GOT1: variants seen among roughly 807,000 people sequenced by gnomAD.
GOT1 encodes the protein aspartate aminotransferase, cytoplasmic.
Under a neutral mutation model 48.2 loss-of-function variants are expected in GOT1, and 25 were observed. That is an observed-to-expected ratio of 0.52 (90% confidence interval 0.38 to 0.72). The LOEUF is 0.72. Among genes scored for constraint, GOT1 ranks in the 30% least tolerant of loss-of-function variants. The pLI is 0.00. For synonymous variants in GOT1, 188 were observed against 193.8 expected (o/e 0.97, Z 0.25); for missense variants, 380 against 520.1 (o/e 0.73, Z 2.62).
Position 99,407,157 on chromosome 10 carries a change from G to A in GOT1, c.301-308C>T, listed in dbSNP as rs1475037414. ...AGAAGCTTCCCTTCTGAACACAGAG[G>A]TAGAGGACACACCGAGGCCACATTA... On this transcript the variant is annotated intron_variant, in intron 2 of 8. Transcript: ENST00000370508. Among the ~76,000 whole-genome samples, 6 of 149,158 alleles carry A rather than the reference G, an allele frequency of 4.0e-5. No homozygotes were observed. The South Asian group carries it at 1.3e-3, about 33-fold the overall frequency.
chr10:99,415,109 G>A (rs1392637211), intron 2 of GOT1, among the ~76,000 whole-genome samples: 1 of 152,128 alleles, frequency 6.6e-6, no homozygotes, highest in African/African-American at 2.4e-5. Context: ...AACTGAAGGA[G>A]ACAGAGACAC....
At chr10:99,401,451 C>G (rs1369443621) in intron 8 of GOT1, among the ~76,000 whole-genome samples, 1 of 152,154 alleles carries the variant, frequency 6.6e-6, no homozygotes, top group African/African-American at 2.4e-5. Context: ...TGCCTACAAA[C>G]CAAGCCAGCC....
At chr10:99,410,934 G>T (rs1006155412) in intron 2 of GOT1, among the ~76,000 whole-genome samples, 2 of 152,218 alleles carry the variant, frequency 1.3e-5, no homozygotes, top group African/African-American at 4.8e-5. Flanking sequence ...GGACATGTCA[G>T]CATAAGATTG....
At chr10:99,400,061 A>T (rs1177072115) in intron 8 of GOT1, among the ~76,000 whole-genome samples, 1 of 152,184 alleles carries the variant, frequency 6.6e-6, no homozygotes, top group African/African-American at 2.4e-5. Flanking sequence ...TTTTAGTAAA[A>T]ATGAGGCCTT....
intron 2 of GOT1, among the ~76,000 whole-genome samples, chr10:99,410,166 G>A (rs1484096360): frequency 6.6e-6 from 1 of 152,118 alleles, no homozygotes; most frequent in Non-Finnish European, 1.5e-5. Flanking sequence ...CCCACATTGT[G>A]GTTTACCTGA....
At chr10:99,416,418 A>C (rs376377761) in intron 2 of GOT1, among the ~76,000 whole-genome samples, 2 of 152,238 alleles carry the variant, frequency 1.3e-5, no homozygotes, top group Admixed American at 6.5e-5. Flanking sequence ...GAGAACTACA[A>C]ACCACTGCTC....
In GOT1 at chr10:99,423,711, C is replaced by T. The variant is rs779290607; in HGVS notation, c.119-2906G>A. 1.5e-4 allele frequency among the ~76,000 whole-genome samples: 23 copies of T among 152,260 alleles called. No homozygotes were observed. In the South Asian group the frequency reaches 2.1e-3, roughly 14 times the overall value. On this transcript the variant is annotated intron_variant, in intron 1 of 8. Coordinates refer to ENST00000370508, the MANE Select transcript of GOT1 (RefSeq NM_002079.3). ...TTGCCCAGGTGAGAGTGCAGTGGCACGAACACAGCTCACTGCAGCTTCAAC... is the reference window on the plus strand; with the variant it reads ...TTGCCCAGGTGAGAGTGCAGTGGCATGAACACAGCTCACTGCAGCTTCAAC...
chr10:99,415,606 T>A (rs1256478254), intron 2 of GOT1, among the ~76,000 whole-genome samples: 4 of 152,164 alleles, frequency 2.6e-5, no homozygotes, highest in Non-Finnish European at 4.4e-5. Flanking sequence ...GCCAGCATCA[T>A]CCTGATACCA....
chr10:99,415,246 A>G (rs2032880444), intron 2 of GOT1, among the ~76,000 whole-genome samples: 1 of 152,196 alleles, frequency 6.6e-6, no homozygotes, highest in Admixed American at 6.5e-5. Flanking sequence ...GCAATAAAAA[A>G]TGATAAAGGG....
intron 7 of GOT1, 28 bp downstream of exon 7, chr10:99,403,441 C>T (rs749913739): frequency 6.3e-7 from 1 of 1,589,758 alleles, no homozygotes; most frequent in Admixed American, 1.7e-5. Context: ...TCCCCACCCC[C>T]CGGCCCACCA....
chr10:99,418,114 A>C (rs980669032), intron 2 of GOT1, among the ~76,000 whole-genome samples: 2 of 151,824 alleles, frequency 1.3e-5, no homozygotes, highest in African/African-American at 4.8e-5. Flanking sequence ...ACTGGTACCC[A>C]CAGTGATGTA....
chr10:99,411,458 T>C (rs1221125796), intron 2 of GOT1, among the ~76,000 whole-genome samples: 1 of 152,206 alleles, frequency 6.6e-6, no homozygotes, highest in Admixed American at 6.5e-5. Flanking sequence ...TTACTGTTGG[T>C]TTACTTGTTC....
At chr10:99,425,366 C>T (rs1348158152) in intron 1 of GOT1, among the ~76,000 whole-genome samples, 5 of 152,148 alleles carry the variant, frequency 3.3e-5, no homozygotes, top group Admixed American at 2.6e-4. Context: ...TGGGTAACCA[C>T]TGAAAGCATT....
At chr10:99,418,373 G>A (rs2032924490) in intron 2 of GOT1, among the ~76,000 whole-genome samples, 1 of 151,862 alleles carries the variant, frequency 6.6e-6, no homozygotes, top group Non-Finnish European at 1.5e-5. Context: ...TATAAGAAAT[G>A]CAGTATTAGA....
intron 2 of GOT1, among the ~76,000 whole-genome samples, chr10:99,408,820 G>C (rs1589937477): frequency 6.6e-6 from 1 of 152,234 alleles, no homozygotes; most frequent in East Asian, 1.9e-4. Flanking sequence ...TGGTTGAAAG[G>C]GACTTTGGCC....
At chr10:99,415,815 A>C (rs2032887407) in intron 2 of GOT1, among the ~76,000 whole-genome samples, 1 of 152,244 alleles carries the variant, frequency 6.6e-6, no homozygotes, top group South Asian at 2.1e-4. Context: ...GTAATCCAGC[A>C]TATAAACAGA....
chr10:99,408,934 T>G (rs1245879062), intron 2 of GOT1, among the ~76,000 whole-genome samples: 1 of 152,100 alleles, frequency 6.6e-6, no homozygotes, highest in Non-Finnish European at 1.5e-5. Flanking sequence ...GATTTACTAT[T>G]AAATAATAAT....
chr10:99,408,665 G>A (rs1333572495), intron 2 of GOT1, among the ~76,000 whole-genome samples: 1 of 152,150 alleles, frequency 6.6e-6, no homozygotes, highest in Non-Finnish European at 1.5e-5. Context: ...GTTGCAGTGA[G>A]CCAAGATCGC....
At chr10:99,405,943 A>C in intron 4 of GOT1, 83 bp from the exon 5 acceptor site, 1 of 840,778 alleles carries the variant, frequency 1.2e-6, no homozygotes, top group Non-Finnish European at 2.1e-6. Context: ...TCAGTGATGG[A>C]GGGCAAAGGG....
Sources: gnomAD v4.1 joint callset for allele counts (sites outside exome capture counted in the v4.1 genomes callset) on GRCh38, gnomAD v4.1.1 for gene constraint, MANE v1.5 for transcripts, NCBI Gene and HGNC (gene_info 2026-07-23, HGNC 2026-07-21) for gene names.